Variants in PRKAA2 observed in about 807,000 individuals in gnomAD.
The protein encoded by PRKAA2 is protein kinase AMP-activated catalytic subunit alpha 2.
In PRKAA2, 40 loss-of-function variants were observed where a neutral mutation model predicts 56.3. That is an observed-to-expected ratio of 0.71 (90% CI 0.55 to 0.92). PRKAA2 has a LOEUF of 0.92. Ranked by LOEUF, PRKAA2 falls within the 40% of genes least tolerant of loss-of-function variation. PRKAA2 has a pLI of 0.00. For synonymous variants in PRKAA2, 214 were observed against 234.2 expected (o/e 0.91, Z 0.79); for missense variants, 542 against 686.9 (o/e 0.79, Z 2.36).
intron 2 of PRKAA2, among the ~76,000 whole-genome samples, chr1:56,679,799 A>C (rs2796503): frequency 6.6e-6 from 1 of 152,060 alleles, no homozygotes; most frequent in Admixed American, 6.6e-5. Context: ...GTTTTATGCC[A>C]CCTTTGCTAT....
In PRKAA2 at chr1:56,712,059, AT is replaced by A. The variant is rs1346128979; in HGVS notation, c.*4352del. ...TTGGAGTGATGAAAGTGTTCCATAT[AT>A]TTTTTATAGTGATTTTTCGATCTAG... On this transcript the variant is annotated 3_prime_UTR_variant, in exon 9 of 9. Coordinates refer to ENST00000371244, the MANE Select transcript of PRKAA2 (RefSeq NM_006252.4). 5 of 152,152 alleles carry A rather than the reference AT, an allele frequency of 3.3e-5. No homozygotes were observed. Among genetic ancestry groups the A allele is most frequent in the Admixed American group, 2.0e-4 (3 of 15,258 alleles). The allele number at this position is 152,152 out of a possible 1,614,324, so 9.4% of individuals were successfully genotyped here.
intron 1 of PRKAA2, among the ~76,000 whole-genome samples, chr1:56,672,805 T>C (rs1644087386): frequency 6.6e-6 from 1 of 152,148 alleles, no homozygotes; most frequent in South Asian, 2.1e-4. Flanking sequence ...ACCAGATAGC[T>C]GTGAATTTAG....
chr1:56,690,307 G>A (rs1328276272), intron 2 of PRKAA2, among the ~76,000 whole-genome samples: 4 of 152,008 alleles, frequency 2.6e-5, no homozygotes, highest in Non-Finnish European at 5.9e-5. Flanking sequence ...GGGACTACAG[G>A]TGCCCGCCAC....
At chr1:56,701,629 G>C (rs113766899) in intron 6 of PRKAA2, among the ~76,000 whole-genome samples, 2 of 152,128 alleles carry the variant, frequency 1.3e-5, no homozygotes, top group South Asian at 2.1e-4. Flanking sequence ...GGGCGCGGTG[G>C]CTCACACCTG....
intron 8 of PRKAA2, among the ~76,000 whole-genome samples, chr1:56,706,981 C>A (rs1401696705): frequency 6.6e-6 from 1 of 152,046 alleles, no homozygotes; most frequent in African/African-American, 2.4e-5. Flanking sequence ...AACGCAGATC[C>A]CTGGGAACCA....
rs1644328991 is a variant in PRKAA2 at position 56,705,944 on chromosome 1, A to AT, written c.1294-147dup. On this transcript the variant is annotated intron_variant, in intron 7 of 8. Coordinates refer to ENST00000371244, the MANE Select transcript of PRKAA2 (RefSeq NM_006252.4). ...TACAGTACTGCTTAGTGGGGATTAA[A>AT]TAAATACTAAAGTGAACTACCAGTA... 5 of 666,056 alleles carry AT rather than the reference A, an allele frequency of 7.5e-6. No homozygotes were observed. The South Asian group carries it at 8.2e-5, about 11-fold the overall frequency. The allele number at this position is 666,056 out of a possible 1,614,324, so 41.3% of individuals were successfully genotyped here.
chr1:56,698,109 G>A (rs1349939468), intron 6 of PRKAA2, among the ~76,000 whole-genome samples: 2 of 140,456 alleles, frequency 1.4e-5, no homozygotes, highest in Non-Finnish European at 3.0e-5. Flanking sequence ...AAGAGATGGG[G>A]TCTTGCTATG....
Position 56,663,093 on chromosome 1 carries a change from T to C in PRKAA2, c.95-11288T>C, listed in dbSNP as rs376197090. Among the ~76,000 whole-genome samples, 3 of 152,286 alleles carry C rather than the reference T, an allele frequency of 2.0e-5. No individual in the cohort carries two copies. The East Asian group carries it at 5.8e-4, about 29-fold the overall frequency. On this transcript the variant is annotated intron_variant, in intron 1 of 8. Coordinates refer to ENST00000371244, the MANE Select transcript of PRKAA2 (RefSeq NM_006252.4). ...TGTTTTTTGTTTGTTTGTTGTTTTT[T>C]GTTTGTTTGTTGTTTTTTAAGAGAC...
chr1:56,649,233 A>G (rs1339190384), intron 1 of PRKAA2, among the ~76,000 whole-genome samples: 1 of 152,188 alleles, frequency 6.6e-6, no homozygotes, highest in Non-Finnish European at 1.5e-5. Context: ...ATTCTTATGT[A>G]TGGTGTGAGA....
chr1:56,691,265 C>T, intron 2 of PRKAA2, 129 bp from the exon 3 acceptor site: 2 of 519,934 alleles, frequency 3.8e-6, no homozygotes, highest in South Asian at 2.8e-5. Flanking sequence ...ATTTTGATAA[C>T]ATGTAATTTG....
At chr1:56,663,368 T>C (rs1234793074) in intron 1 of PRKAA2, among the ~76,000 whole-genome samples, 1 of 152,212 alleles carries the variant, frequency 6.6e-6, no homozygotes, top group Non-Finnish European at 1.5e-5. Flanking sequence ...GATTCACAGG[T>C]GTGAGCCACT....
chr1:56,680,600 C>T (rs1644146584), intron 2 of PRKAA2, among the ~76,000 whole-genome samples: 4 of 152,080 alleles, frequency 2.6e-5, no homozygotes, highest in Admixed American at 2.6e-4. Flanking sequence ...TGAGTGAGAA[C>T]ATGCGGTGTT....
intron 6 of PRKAA2, among the ~76,000 whole-genome samples, chr1:56,699,261 A>T (rs913809060): frequency 3.3e-5 from 5 of 152,196 alleles, no homozygotes; most frequent in African/African-American, 1.2e-4. Flanking sequence ...ATTTGGGCAT[A>T]TCATGAGGTT....
In PRKAA2 at chr1:56,693,852, G is replaced by T; in HGVS notation, c.563G>T (p.Arg188Ile). The change falls in exon 5 of 9, where the codon AGA (arginine) becomes ATA (isoleucine). Residue 188 changes from arginine to isoleucine, a missense_variant and splice_region_variant. By Grantham distance (97) the Arg-to-Ile change is moderately conservative. This residue lies in a region of PRKAA2 where 121 missense variants were observed against 210.0 expected (regional missense o/e 0.58). Transcript: ENST00000371244. ...NYAAPEVISG[R>I]LYAGPEVDIW... ...GCAGCACCTGAAGTCATCTCAGGCA[G>T]GTAATAATCAGTGAAGCATAAGCTT... 1 of 1,574,616 alleles carries T rather than the reference G, an allele frequency of 6.4e-7. No individual in the cohort carries two copies. The highest frequency in any genetic ancestry group is 1.2e-5 in the South Asian group (1 of 86,376).
At chr1:56,677,558 C>T (rs958960387) in intron 2 of PRKAA2, among the ~76,000 whole-genome samples, 2 of 152,114 alleles carry the variant, frequency 1.3e-5, no homozygotes, top group Non-Finnish European at 2.9e-5. Context: ...ATGAGTCCTA[C>T]TATCTGTACA....
intron 1 of PRKAA2, among the ~76,000 whole-genome samples, chr1:56,656,970 G>A (rs924641260): frequency 6.6e-6 from 1 of 152,184 alleles, no homozygotes; most frequent in African/African-American, 2.4e-5. Context: ...AGGGAATGGG[G>A]CAGAGGCAGC....
intron 2 of PRKAA2, among the ~76,000 whole-genome samples, chr1:56,674,894 A>G (rs761239998): frequency 2.0e-5 from 3 of 151,992 alleles, no homozygotes; most frequent in Non-Finnish European, 2.9e-5. Flanking sequence ...TATAATTTTT[A>G]TCTAGTCAAT....
At chr1:56,661,544 G>A (rs1643994641) in intron 1 of PRKAA2, among the ~76,000 whole-genome samples, 1 of 152,062 alleles carries the variant, frequency 6.6e-6, no homozygotes, top group African/African-American at 2.4e-5. Context: ...ATTGCATTAA[G>A]ACTATACTAT....
chr1:56,646,021 T>C (rs1646638118), intron 1 of PRKAA2, among the ~76,000 whole-genome samples: 2 of 152,124 alleles, frequency 1.3e-5, no homozygotes, highest in Admixed American at 1.3e-4. Flanking sequence ...CCCCTAGAGA[T>C]GTAGTAACAA....
Sources: allele counts gnomAD v4.1 joint callset (sites outside exome capture counted in the v4.1 genomes callset), GRCh38; gene constraint gnomAD v4.1.1; regional missense constraint gnomAD v4.1.1; transcripts MANE v1.5; gene names NCBI Gene and HGNC (gene_info 2026-07-23, HGNC 2026-07-21).